CSMD1: variants seen among roughly 807,000 people sequenced by gnomAD.
The protein encoded by CSMD1 is CUB and sushi domain-containing protein 1.
In CSMD1, 213 loss-of-function variants were observed where a neutral mutation model predicts 417.5. The observed-to-expected ratio is 0.51, with a 90% CI of 0.46 to 0.57. The LOEUF is 0.57. Ranked by LOEUF, CSMD1 falls within the 20% of genes least tolerant of loss-of-function variation. CSMD1 has a pLI of 0.00. For synonymous variants in CSMD1, 2,862 were observed against 1,736.8 expected (o/e 1.65, Z -16.11); for missense variants, 6,923 against 4,529.7 (o/e 1.53, Z -15.17).
chr8:3,815,930 A>C (rs1801344584), intron 5 of CSMD1, among the ~76,000 whole-genome samples: 1 of 152,212 alleles, frequency 6.6e-6, no homozygotes, highest in Admixed American at 6.5e-5. Flanking sequence ...AAGAACAAAT[A>C]ATTCACTGGA....
intron 9 of CSMD1, among the ~76,000 whole-genome samples, chr8:3,585,867 T>C (rs1237061896): frequency 6.6e-6 from 1 of 152,206 alleles, no homozygotes; most frequent in Non-Finnish European, 1.5e-5. Flanking sequence ...TTTGTGTGTA[T>C]TGATAGATAC....
rs558830236 is a variant in CSMD1 at position 4,899,350 on chromosome 8, G to T, written c.85+94982C>A. On this transcript the variant is annotated intron_variant, in intron 1 of 69. Coordinates refer to ENST00000635120, the MANE Select transcript of CSMD1 (RefSeq NM_033225.6). ...GAAGTGGCATACACTAACAAAAAGT[G>T]AGCCACTCAAAATAAAGATGAAATA... 1.4e-4 allele frequency among the ~76,000 whole-genome samples: 22 copies of T among 151,914 alleles called. No individual in the cohort carries two copies. The South Asian group carries it at 4.2e-3, about 29-fold the overall frequency.
At chr8:4,837,491 C>A (rs572820062) in intron 1 of CSMD1, among the ~76,000 whole-genome samples, 1 of 152,102 alleles carries the variant, frequency 6.6e-6, no homozygotes, top group African/African-American at 2.4e-5. Context: ...AAGCCAGGCA[C>A]AGAAAGGCAA....
chr8:3,966,357 T>C (rs1812677385), intron 5 of CSMD1, among the ~76,000 whole-genome samples: 2 of 152,166 alleles, frequency 1.3e-5, no homozygotes, highest in South Asian at 4.1e-4. Context: ...CTCTCCCAAA[T>C]TTATAAACAT....
intron 3 of CSMD1, among the ~76,000 whole-genome samples, chr8:4,229,949 AAG>A (rs1225677923): frequency 1.3e-5 from 2 of 152,188 alleles, no homozygotes; most frequent in African/African-American, 4.8e-5. Flanking sequence ...TTCTAATATC[AAG>A]AGACTTTTAC....
rs1801043077 is a variant in CSMD1 at position 3,595,379 on chromosome 8, GT to G, written c.1098-9120del. ...TACCCGTTTGACTTTCACACATAATGTGTCTTTTCTGGGTCATTTTTTCTTT... is the reference window on the plus strand; with the variant it reads ...TACCCGTTTGACTTTCACACATAATGGTCTTTTCTGGGTCATTTTTTCTTT... On this transcript the variant is annotated intron_variant, in intron 8 of 69. Transcript: ENST00000635120. Among the ~76,000 whole-genome samples the G allele has an allele frequency of 3.3e-5, 5 of 152,296 alleles. No individual in the cohort carries two copies. The South Asian group carries it at 1.0e-3, about 32-fold the overall frequency.
intron 9 of CSMD1, among the ~76,000 whole-genome samples, chr8:3,575,941 GAGCAGA>G (rs925489407): frequency 1.3e-5 from 2 of 151,940 alleles, no homozygotes; most frequent in African/African-American, 4.8e-5. Context: ...TTTCAGAAAG[GAGCAGA>G]AGAAACTAAT....
intron 7 of CSMD1, among the ~76,000 whole-genome samples, chr8:3,635,779 A>G (rs1182791762): frequency 2.9e-5 from 4 of 136,066 alleles, no homozygotes; most frequent in African/African-American, 1.2e-4. Flanking sequence ...CTCTGCGCCC[A>G]GCTGCTTCCA....
intron 3 of CSMD1, among the ~76,000 whole-genome samples, chr8:4,085,660 A>C (rs1454127640): frequency 6.6e-6 from 1 of 152,226 alleles, no homozygotes; most frequent in African/African-American, 2.4e-5. Context: ...AGGTTTTTGC[A>C]TACTGTGTGA....
At chr8:3,654,440 G>T (rs781561572) in intron 7 of CSMD1, among the ~76,000 whole-genome samples, 7 of 152,138 alleles carry the variant, frequency 4.6e-5, no homozygotes, top group Non-Finnish European at 1.0e-4. Flanking sequence ...TGCACATAGG[G>T]AAAAGATAAT....
chr8:3,317,434 C>G (rs555832336), intron 23 of CSMD1, among the ~76,000 whole-genome samples: 7 of 152,194 alleles, frequency 4.6e-5, no homozygotes, highest in Non-Finnish European at 7.3e-5. Context: ...CTCAATCACA[C>G]AAGTGTGGAC....
At chr8:4,652,464 C>T (rs777456538) in intron 1 of CSMD1, among the ~76,000 whole-genome samples, 32 of 151,992 alleles carry the variant, frequency 2.1e-4, no homozygotes, top group Non-Finnish European at 2.9e-4. Context: ...TGCATGCAGC[C>T]TACCAGAAAG....
chr8:3,275,089 G>GC (rs1192384432), intron 26 of CSMD1, among the ~76,000 whole-genome samples: 5 of 152,120 alleles, frequency 3.3e-5, no homozygotes, highest in African/African-American at 1.2e-4. Flanking sequence ...TCCATGTTTA[G>GC]CGCTTCCTTC....
In CSMD1 at chr8:3,609,811, C is replaced by CTTTTTTT. The variant is rs71534362; in HGVS notation, c.1097+6892_1097+6898dup. On this transcript the variant is annotated intron_variant, in intron 8 of 69. Transcript: ENST00000635120. ...AAAAGACTGTTAAAAAGTATCTTCCCTTTTTTTTTTTTTTTTTTTTTTTTT... is the reference window on the plus strand; with the variant it reads ...AAAAGACTGTTAAAAAGTATCTTCCCTTTTTTTTTTTTTTTTTTTTTTTTTTTTTTTT... Among the ~76,000 whole-genome samples the CTTTTTTT allele has an allele frequency of 8.1e-4, 61 of 75,272 alleles. 4 individuals carry two copies. The highest frequency in any genetic ancestry group is 1.3e-3 in the South Asian group (2 of 1,542). The allele number at this position is 75,272 out of a possible 152,430, so 49.4% of individuals were successfully genotyped here. A position where few individuals can be genotyped will look rare whatever the true frequency, so the allele number is the denominator to read the frequency against.
intron 27 of CSMD1, among the ~76,000 whole-genome samples, chr8:3,225,595 T>C (rs1172903610): frequency 6.6e-6 from 1 of 152,122 alleles, no homozygotes; most frequent in Admixed American, 6.5e-5. Flanking sequence ...TTTTGTAAGA[T>C]GAAAAATGAC....
At chr8:4,168,972 C>T (rs1797612801) in intron 3 of CSMD1, among the ~76,000 whole-genome samples, 1 of 152,072 alleles carries the variant, frequency 6.6e-6, no homozygotes, top group African/African-American at 2.4e-5. Context: ...TATCCTCAGG[C>T]CGTTCTCCTC....
At chr8:3,269,020 T>G (rs1011731505) in intron 26 of CSMD1, among the ~76,000 whole-genome samples, 19 of 152,292 alleles carry the variant, frequency 1.2e-4, no homozygotes, top group Middle Eastern at 3.4e-3. Flanking sequence ...ATGTCTTGAT[T>G]CTCTCCTTCG....
intron 3 of CSMD1, among the ~76,000 whole-genome samples, chr8:4,089,852 G>C (rs1471519912): frequency 6.6e-6 from 1 of 152,150 alleles, no homozygotes. Flanking sequence ...ATGAATGGTG[G>C]TGGGATCTCA....
chr8:4,935,860 A>G (rs1172684322), intron 1 of CSMD1, among the ~76,000 whole-genome samples: 1 of 152,224 alleles, frequency 6.6e-6, no homozygotes, highest in Non-Finnish European at 1.5e-5. Flanking sequence ...ACGTCTTCAC[A>G]TGAGAAGCAG....
Sources: allele counts gnomAD v4.1 joint callset (sites outside exome capture counted in the v4.1 genomes callset), GRCh38; gene constraint gnomAD v4.1.1; transcripts MANE v1.5; gene names NCBI Gene and HGNC (gene_info 2026-07-23, HGNC 2026-07-21).